RYR2: variants seen among roughly 807,000 people sequenced by gnomAD.
RYR2 encodes ryanodine receptor 2.
Under a neutral mutation model 601.1 loss-of-function variants are expected in RYR2, and 227 were observed. The observed-to-expected ratio is 0.38, with a 90% CI of 0.34 to 0.42. The LOEUF (loss-of-function observed/expected upper bound fraction) is 0.42. Among genes scored for constraint, RYR2 ranks in the 10% least tolerant of loss-of-function variants. The pLI, the probability that RYR2 is intolerant of heterozygous loss-of-function variation, is 1.00. For synonymous variants in RYR2, 2,223 were observed against 2,175.1 expected, an observed-to-expected ratio of 1.02 and a Z score of -0.61; for missense variants, 4,646 against 6,156.5, an observed-to-expected ratio of 0.75 and a Z score of 8.21.
intron 14 of RYR2, among the ~76,000 whole-genome samples, chr1:237,445,796 A>G (rs192141951): frequency 2.6e-5 from 4 of 152,062 alleles, no homozygotes; most frequent in Admixed American, 1.3e-4. Flanking sequence ...CCTTGTACTG[A>G]ACCTATTTAG....
At chr1:237,824,050 C>T (rs1218969747) in intron 101 of RYR2, among the ~76,000 whole-genome samples, 1 of 151,986 alleles carries the variant, frequency 6.6e-6, no homozygotes. Flanking sequence ...GCCTACCAAC[C>T]AAAAAAGTCC....
chr1:237,415,429 A>T (rs998285486), intron 10 of RYR2, among the ~76,000 whole-genome samples: 1 of 152,206 alleles, frequency 6.6e-6, no homozygotes, highest in Non-Finnish European at 1.5e-5. Flanking sequence ...TAACTGATTA[A>T]ATTTTATCTA....
rs1674574870 is a variant in RYR2, at chr1:237,150,416, G to A, written c.48+107847G>A. 3.9e-5 allele frequency among the ~76,000 whole-genome samples: 6 copies of A among 152,314 alleles called. No homozygotes were observed. The South Asian group carries it at 1.2e-3, about 32-fold the overall frequency. On this transcript the variant is annotated intron_variant, in intron 1 of 104. Coordinates refer to ENST00000366574, the MANE Select transcript of RYR2 (RefSeq NM_001035.3). ...AGGATGGAAGATTCTTGGAAAACAA[G>A]TTTCTAGATAGGGCTGGGATGGAAT...
intron 92 of RYR2, 76 bp downstream of exon 92, chr1:237,788,211 T>G (rs1444109429): frequency 8.1e-7 from 1 of 1,238,014 alleles, no homozygotes; most frequent in African/African-American, 1.5e-5. Context: ...AAATGTTTGC[T>G]GACCTCTCCC....
intron 25 of RYR2, among the ~76,000 whole-genome samples, chr1:237,546,536 C>G (rs1414929788): frequency 5.9e-5 from 9 of 152,010 alleles, no homozygotes; most frequent in African/African-American, 2.2e-4. Flanking sequence ...TGCCACCATG[C>G]CCAGCTAATT....
chr1:237,346,090 G>A (rs2149643187), intron 3 of RYR2, among the ~76,000 whole-genome samples: 1 of 152,180 alleles, frequency 6.6e-6, no homozygotes, highest in East Asian at 1.9e-4. Context: ...TCCAGGCTGG[G>A]TGCGGTGGCT....
At chr1:237,656,524 T>C (rs1683261594) in intron 53 of RYR2, among the ~76,000 whole-genome samples, 1 of 152,174 alleles carries the variant, frequency 6.6e-6, no homozygotes, top group Admixed American at 6.5e-5. Context: ...AAATAGGATG[T>C]TTGGGAACTT....
chr1:237,368,799 G>GTTTATTTATTTATTTA (rs202090317), intron 5 of RYR2, among the ~76,000 whole-genome samples: 17 of 129,156 alleles, frequency 1.3e-4, no homozygotes, highest in East Asian at 6.2e-4. Context: ...TTGAATCAAC[G>GTTTATTTATTTATTTA]TTTATTTATT....
At chr1:237,116,497 A>C (rs936339947) in intron 1 of RYR2, among the ~76,000 whole-genome samples, 1 of 152,270 alleles carries the variant, frequency 6.6e-6, no homozygotes, top group Middle Eastern at 3.4e-3. Flanking sequence ...AATTATATCT[A>C]TTTGCTTACA....
At chr1:237,146,604 A>C (rs1674030073) in intron 1 of RYR2, among the ~76,000 whole-genome samples, 1 of 152,206 alleles carries the variant, frequency 6.6e-6, no homozygotes. Flanking sequence ...GTGACAATGT[A>C]AACCTTTTAA....
intron 1 of RYR2, among the ~76,000 whole-genome samples, chr1:237,137,016 CA>C (rs1167110660): frequency 0.019 from 770 of 41,192 alleles, 4 homozygotes; most frequent in East Asian, 0.085. Context: ...GACTCCATCT[CA>C]AAAAAAAAAA....
At chr1:237,752,518 T>G (rs1692618048) in intron 80 of RYR2, among the ~76,000 whole-genome samples, 1 of 151,960 alleles carries the variant, frequency 6.6e-6, no homozygotes, top group Non-Finnish European at 1.5e-5. Context: ...GTTGTAGTCT[T>G]AGTATTTTCC....
chr1:237,796,365 C>G (rs568949824), intron 96 of RYR2, among the ~76,000 whole-genome samples: 1 of 152,044 alleles, frequency 6.6e-6, no homozygotes, highest in Non-Finnish European at 1.5e-5. Context: ...CTGGATTTCC[C>G]GCTATGGTAC....
intron 22 of RYR2, among the ~76,000 whole-genome samples, chr1:237,505,688 C>T (rs1469492346): frequency 6.6e-6 from 1 of 152,164 alleles, no homozygotes; most frequent in Non-Finnish European, 1.5e-5. Flanking sequence ...TAACCTCTAT[C>T]AGGGAAAGGA....
intron 38 of RYR2, among the ~76,000 whole-genome samples, chr1:237,623,556 AC>A (rs1679325843): frequency 6.7e-6 from 1 of 148,678 alleles, no homozygotes; most frequent in African/African-American, 2.5e-5. Flanking sequence ...ACCACACCCA[AC>A]TAATTTTTGT....
Position 237,725,176 on chromosome 1 carries a change from A to G in RYR2, c.10690-1097A>G, listed in dbSNP as rs918784629. ...TAGATATGAAGTAGGTAATCCCTGT[A>G]TAAGTCTTAAGGTAGGAATTATCTA... is the stretch of plus-strand genomic sequence containing the variant. On this transcript the variant is annotated intron_variant, in intron 74 of 104. Coordinates refer to ENST00000366574, the MANE Select transcript of RYR2 (RefSeq NM_001035.3). Among the ~76,000 whole-genome samples, 6 of 152,298 alleles carry G rather than the reference A, an allele frequency of 3.9e-5. No individual in the cohort carries two copies. In the South Asian group the frequency reaches 1.0e-3, roughly 26 times the overall value.
At position 237,590,095 on chromosome 1, in the gene RYR2, T is replaced by G. The variant is rs907852947; in HGVS notation, c.3807+94T>G. ...CTTCTGCTTAGACAATTATTATGAC[T>G]TACTTAAAATGATGACCTTGATGTG... On this transcript the variant is annotated intron_variant, in intron 30 of 104. Transcript: ENST00000366574. 7.2e-6 allele frequency: 8 copies of G among 1,108,886 alleles called. No individual in the cohort carries two copies. In the African/African-American group the frequency reaches 9.4e-5, roughly 13 times the overall value. 68.7% of individuals were successfully genotyped at this position (1,108,886 alleles called of 1,614,324 possible).
chr1:237,784,731 A>G lies in RYR2; in HGVS notation c.13019A>G (p.Asp4340Gly). The change falls in exon 90 of 105, where the codon GAT becomes GGT. Residue 4340 changes from aspartate (D) to glycine (G), a missense_variant. Coordinates refer to ENST00000366574, the MANE Select transcript of RYR2 (RefSeq NM_001035.3). The surrounding 1 kb of genome is among the most constrained non-coding windows in gnomAD (Gnocchi z 7.1). Reference sequence around the variant, plus strand: ...GCCAACATGCCAGACCCCACTCAGGATGAGGTTAGAGGAGATGGGGAGGAG... The same window carrying G: ...GCCAACATGCCAGACCCCACTCAGGGTGAGGTTAGAGGAGATGGGGAGGAG... ...LLANMPDPTQ[D>G]EVRGDGEEGE... 2 of 1,604,670 alleles carry G rather than the reference A, an allele frequency of 1.2e-6. No homozygotes were observed. Among genetic ancestry groups the G allele is most frequent in the East Asian group, 2.2e-5 (1 of 44,716 alleles).
chr1:237,695,337 G>GAT (rs535634547), intron 63 of RYR2, among the ~76,000 whole-genome samples: 7 of 152,116 alleles, frequency 4.6e-5, no homozygotes, highest in Non-Finnish European at 1.0e-4. Context: ...TTGATGCACT[G>GAT]ATATAAATAC....
Sources: gnomAD v4.1 joint callset for allele counts (sites outside exome capture counted in the v4.1 genomes callset) on GRCh38, gnomAD v4.1.1 for gene constraint, Gnocchi (gnomAD v3.1) non-coding constraint, MANE v1.5 for transcripts, NCBI Gene and HGNC (gene_info 2026-07-23, HGNC 2026-07-21) for gene names.